Variants in BRINP1 observed in about 807,000 individuals in gnomAD.
BRINP1 encodes the protein BMP/retinoic acid inducible neural specific 1, also known as BMP/retinoic acid-inducible neural-specific protein 1.
Under a neutral mutation model 72.9 loss-of-function variants are expected in BRINP1, and 17 were observed. The ratio of observed to expected loss-of-function variants is 0.23; its 90% CI spans 0.16 to 0.35. The LOEUF (loss-of-function observed/expected upper bound fraction) is 0.35. Among genes scored for constraint, BRINP1 ranks in the 10% least tolerant of loss-of-function variants. The pLI is 1.00. For missense variants in BRINP1, 850 were observed against 1,001.6 expected (o/e 0.85, Z 2.04); for synonymous variants, 418 against 378.5 (o/e 1.10, Z -1.21).
intron 5 of BRINP1, among the ~76,000 whole-genome samples, chr9:119,230,611 G>C (rs1054412988): frequency 6.6e-6 from 1 of 151,866 alleles, no homozygotes; most frequent in African/African-American, 2.4e-5. Flanking sequence ...AAGAGAGTCC[G>C]GGTGCATGAG....
intron 1 of BRINP1, among the ~76,000 whole-genome samples, chr9:119,321,853 G>T (rs765571846): frequency 2.0e-5 from 3 of 152,194 alleles, no homozygotes; most frequent in African/African-American, 4.8e-5. Flanking sequence ...TAAGGTGGCT[G>T]CTAGAAACTT....
At chr9:119,337,722 G>C (rs562576062) in intron 1 of BRINP1, among the ~76,000 whole-genome samples, 3 of 152,340 alleles carry the variant, frequency 2.0e-5, no homozygotes, top group African/African-American at 7.2e-5. Flanking sequence ...CAGATACAGA[G>C]CAGTTCCTCT....
At chr9:119,184,691 A>G (rs770308409) in intron 7 of BRINP1, among the ~76,000 whole-genome samples, 2 of 152,192 alleles carry the variant, frequency 1.3e-5, no homozygotes, top group African/African-American at 2.4e-5. Flanking sequence ...TTAAAGCTAA[A>G]TAACACTTAG....
intron 5 of BRINP1, among the ~76,000 whole-genome samples, chr9:119,220,731 T>C (rs7855641): frequency 0.1 from 15,410 of 152,182 alleles, 958 homozygotes; most frequent in African/African-American, 0.18. Context: ...AAGTATTGAA[T>C]AAGTCAGTGA....
intron 7 of BRINP1, among the ~76,000 whole-genome samples, chr9:119,185,447 G>A (rs185947141): frequency 5.3e-4 from 80 of 152,330 alleles, no homozygotes; most frequent in African/African-American, 1.5e-3. Context: ...TCTGAAGAGT[G>A]CATTAGCCTT....
chr9:119,238,832 C>T, intron 4 of BRINP1, 72 bp from the exon 5 acceptor site: 2 of 1,016,498 alleles, frequency 2.0e-6, no homozygotes, highest in South Asian at 3.0e-5. Context: ...AAGAGTCATG[C>T]CCCAGCAGAG....
chr9:119,261,275 A>AT, intron 2 of BRINP1, among the ~76,000 whole-genome samples: 1 of 152,314 alleles, frequency 6.6e-6, no homozygotes, highest in East Asian at 1.9e-4. Context: ...AAAAGTAAAA[A>AT]TGTTTATGGA....
chr9:119,262,181 G>T (rs1160774548), intron 2 of BRINP1, among the ~76,000 whole-genome samples: 1 of 152,190 alleles, frequency 6.6e-6, no homozygotes, highest in African/African-American at 2.4e-5. Flanking sequence ...CATGCCACAT[G>T]TGGTTTAGGA....
At chr9:119,322,090 C>T (rs1469101821) in intron 1 of BRINP1, among the ~76,000 whole-genome samples, 1 of 152,216 alleles carries the variant, frequency 6.6e-6, no homozygotes, top group African/African-American at 2.4e-5. Context: ...TATACATTTC[C>T]ATGTTCAAGG....
At chr9:119,340,356 C>T (rs915116996) in intron 1 of BRINP1, among the ~76,000 whole-genome samples, 1 of 151,994 alleles carries the variant, frequency 6.6e-6, no homozygotes, top group Non-Finnish European at 1.5e-5. Context: ...AATTGGCCCC[C>T]AAGGGGCTAA....
At chr9:119,176,641 A>T (rs1188523833) in intron 7 of BRINP1, among the ~76,000 whole-genome samples, 1 of 152,196 alleles carries the variant, frequency 6.6e-6, no homozygotes, top group Non-Finnish European at 1.5e-5. Context: ...TCAGTGAGAT[A>T]ATATATTTAA....
chr9:119,365,674 G>T (rs1831683353), intron 1 of BRINP1, among the ~76,000 whole-genome samples: 1 of 152,180 alleles, frequency 6.6e-6, no homozygotes, highest in African/African-American at 2.4e-5. Flanking sequence ...CTAAGAAAGA[G>T]ATGTTGAATT....
intron 1 of BRINP1, among the ~76,000 whole-genome samples, chr9:119,318,859 G>A (rs1831156051): frequency 6.6e-6 from 1 of 151,546 alleles, no homozygotes; most frequent in Admixed American, 6.6e-5. Context: ...GTGTGTGTGT[G>A]TGTGTGTGTG....
chr9:119,291,443 C>G (rs2118973387), intron 2 of BRINP1, among the ~76,000 whole-genome samples: 1 of 152,272 alleles, frequency 6.6e-6, no homozygotes, highest in East Asian at 1.9e-4. Context: ...TCAGTTCTAT[C>G]CAGGTGTTCT....
intron 1 of BRINP1, among the ~76,000 whole-genome samples, 166 bp from the exon 2 acceptor site, chr9:119,313,571 C>A (rs1424107063): frequency 6.6e-6 from 1 of 152,102 alleles, no homozygotes; most frequent in Non-Finnish European, 1.5e-5. Flanking sequence ...GTTTATAAAA[C>A]CCAGTACAGT....
At chr9:119,174,999 G>A (rs536396293) in intron 7 of BRINP1, among the ~76,000 whole-genome samples, 1 of 150,624 alleles carries the variant, frequency 6.6e-6, no homozygotes, top group South Asian at 2.1e-4. Context: ...GATAGCATTG[G>A]GAGATATACC....
intron 7 of BRINP1, among the ~76,000 whole-genome samples, chr9:119,202,008 G>T (rs1829810229): frequency 6.6e-6 from 1 of 151,492 alleles, no homozygotes; most frequent in Non-Finnish European, 1.5e-5. Flanking sequence ...CCACCACTAT[G>T]CAATGCAGTT....
intron 7 of BRINP1, among the ~76,000 whole-genome samples, chr9:119,202,480 C>A (rs1010570956): frequency 6.6e-6 from 1 of 152,102 alleles, no homozygotes; most frequent in African/African-American, 2.4e-5. Context: ...ATTATTATAC[C>A]CATTTTATAA....
At chr9:119,194,849 C>G (rs1280763568) in intron 7 of BRINP1, among the ~76,000 whole-genome samples, 1 of 152,098 alleles carries the variant, frequency 6.6e-6, no homozygotes, top group Non-Finnish European at 1.5e-5. Flanking sequence ...AAAGTGAAGA[C>G]CCAGCTATAC....
Sources: gnomAD v4.1 joint callset for allele counts (sites outside exome capture counted in the v4.1 genomes callset) on GRCh38, gnomAD v4.1.1 for gene constraint, MANE v1.5 for transcripts, NCBI Gene and HGNC (gene_info 2026-07-23, HGNC 2026-07-21) for gene names.